The following ZNF804A variants were observed in gnomAD, a reference collection of about 807,000 sequenced individuals.
ZNF804A encodes zinc finger protein 804A.
A neutral mutation model predicts 16.5 loss-of-function variants in ZNF804A; 2 were observed. The observed-to-expected ratio is 0.12, with a 90% CI of 0.05 to 0.38. The LOEUF is 0.38. Ranked by LOEUF, ZNF804A falls within the 10% of genes least tolerant of loss-of-function variation. The pLI, the probability that ZNF804A is intolerant of heterozygous loss-of-function variation, is 0.99. For missense variants in ZNF804A, 1,473 were observed against 1,390.7 expected, an observed-to-expected ratio of 1.06 and a Z score of -0.94; for synonymous variants, 534 against 489.6, an observed-to-expected ratio of 1.09 and a Z score of -1.20.
At chr2:184,927,916 T>A (rs1018094545) in intron 2 of ZNF804A, among the ~76,000 whole-genome samples, 1 of 152,050 alleles carries the variant, frequency 6.6e-6, no homozygotes, top group African/African-American at 2.4e-5. Flanking sequence ...AGAAATGCCA[T>A]GCAAAAGCCA....
intron 1 of ZNF804A, among the ~76,000 whole-genome samples, chr2:184,800,061 A>G (rs1343321206): frequency 6.6e-6 from 1 of 151,790 alleles, no homozygotes; most frequent in Admixed American, 6.6e-5. Flanking sequence ...GTTATCAGAT[A>G]TGGGCATAGA....
intron 1 of ZNF804A, among the ~76,000 whole-genome samples, chr2:184,650,357 T>C (rs954491689): frequency 6.6e-6 from 1 of 152,120 alleles, no homozygotes; most frequent in Non-Finnish European, 1.5e-5. Flanking sequence ...AACATCACTC[T>C]GAAAGGGCAA....
chr2:184,599,561 T>G (rs1691013464), intron 1 of ZNF804A, among the ~76,000 whole-genome samples: 1 of 152,182 alleles, frequency 6.6e-6, no homozygotes, highest in African/African-American at 2.4e-5. Context: ...GAAGGACTGA[T>G]AGCAAACTTC....
chr2:184,809,013 C>T (rs1694852598), intron 1 of ZNF804A, among the ~76,000 whole-genome samples: 1 of 151,612 alleles, frequency 6.6e-6, no homozygotes, highest in African/African-American at 2.4e-5. Flanking sequence ...AGTCTCAATG[C>T]AATCAGAGAT....
At chr2:184,680,299 C>G (rs1445935469) in intron 1 of ZNF804A, among the ~76,000 whole-genome samples, 1 of 152,180 alleles carries the variant, frequency 6.6e-6, no homozygotes, top group African/African-American at 2.4e-5. Context: ...GAGGACTTGC[C>G]TATGGAGAGG....
intron 1 of ZNF804A, among the ~76,000 whole-genome samples, chr2:184,723,956 A>G (rs906177699): frequency 1.6e-4 from 24 of 151,916 alleles, no homozygotes; most frequent in African/African-American, 5.5e-4. Flanking sequence ...ACATATTGAC[A>G]TGAAAATTAA....
At chr2:184,760,782 C>T (rs1258780540) in intron 1 of ZNF804A, among the ~76,000 whole-genome samples, 3 of 152,082 alleles carry the variant, frequency 2.0e-5, no homozygotes, top group South Asian at 4.1e-4. Flanking sequence ...TGCTACTCTT[C>T]AGGTTATATA....
intron 1 of ZNF804A, among the ~76,000 whole-genome samples, chr2:184,854,595 G>A (rs370343953): frequency 1.3e-5 from 2 of 151,966 alleles, no homozygotes; most frequent in African/African-American, 4.8e-5. Flanking sequence ...TTCATCTGTA[G>A]CACAAAAAGT....
chr2:184,930,041 C>T lies in ZNF804A; in HGVS notation c.256-3562C>T, dbSNP rs796967407. ...TACACAACACTTGCCCACATATACACTCATAGAAACACACAATGAAAGTAA... is the reference window on the plus strand; with the variant it reads ...TACACAACACTTGCCCACATATACATTCATAGAAACACACAATGAAAGTAA... On this transcript the variant is annotated intron_variant, in intron 2 of 3. Transcript: ENST00000302277. Among the ~76,000 whole-genome samples the T allele has an allele frequency of 2.6e-5, 4 of 152,194 alleles. No individual in the cohort carries two copies. The East Asian group carries it at 7.7e-4, about 29-fold the overall frequency.
At chr2:184,823,205 A>T (rs1695108657) in intron 1 of ZNF804A, among the ~76,000 whole-genome samples, 1 of 152,074 alleles carries the variant, frequency 6.6e-6, no homozygotes, top group African/African-American at 2.4e-5. Flanking sequence ...GTGTCTTCAC[A>T]TGGCAAAGGG....
At chr2:184,667,335 T>A (rs1692269856) in intron 1 of ZNF804A, among the ~76,000 whole-genome samples, 1 of 151,904 alleles carries the variant, frequency 6.6e-6, no homozygotes, top group Non-Finnish European at 1.5e-5. Context: ...CTCATAAACA[T>A]TCTGCATTTG....
At chr2:184,764,819 G>A (rs1021341343) in intron 1 of ZNF804A, among the ~76,000 whole-genome samples, 2 of 151,912 alleles carry the variant, frequency 1.3e-5, no homozygotes, top group Non-Finnish European at 2.9e-5. Flanking sequence ...AAAAAATGAT[G>A]TGCAAGTAAT....
At chr2:184,788,801 T>G (rs1694488543) in intron 1 of ZNF804A, among the ~76,000 whole-genome samples, 1 of 152,046 alleles carries the variant, frequency 6.6e-6, no homozygotes, top group African/African-American at 2.4e-5. Flanking sequence ...ACATCCTATT[T>G]TCCAATTTGG....
intron 1 of ZNF804A, among the ~76,000 whole-genome samples, chr2:184,862,095 C>CTT (rs1695809584): frequency 1.3e-5 from 2 of 152,164 alleles, no homozygotes; most frequent in African/African-American, 4.8e-5. Flanking sequence ...CCTAGAATGG[C>CTT]TTTACCAGAT....
At chr2:184,718,994 G>A (rs1302479863) in intron 1 of ZNF804A, among the ~76,000 whole-genome samples, 1 of 152,200 alleles carries the variant, frequency 6.6e-6, no homozygotes, top group African/African-American at 2.4e-5. Flanking sequence ...CCCTAGTAGA[G>A]GTTCTCCATG....
chr2:184,722,871 A>G (rs1258060047), intron 1 of ZNF804A, among the ~76,000 whole-genome samples: 1 of 151,966 alleles, frequency 6.6e-6, no homozygotes, highest in Non-Finnish European at 1.5e-5. Context: ...GAGTTTTAAA[A>G]TTGCTTCATG....
chr2:184,812,085 A>G (rs1410117550), intron 1 of ZNF804A, among the ~76,000 whole-genome samples: 1 of 152,228 alleles, frequency 6.6e-6, no homozygotes, highest in African/African-American at 2.4e-5. Context: ...CTATTGGCAA[A>G]CCATAGTCAG....
intron 2 of ZNF804A, among the ~76,000 whole-genome samples, chr2:184,877,101 T>C (rs1021668589): frequency 6.6e-6 from 1 of 152,228 alleles, no homozygotes; most frequent in South Asian, 2.1e-4. Context: ...CTCTTGGAAG[T>C]ATATTTTTCT....
At chr2:184,633,073 C>G (rs1224515203) in intron 1 of ZNF804A, among the ~76,000 whole-genome samples, 1 of 152,102 alleles carries the variant, frequency 6.6e-6, no homozygotes, top group African/African-American at 2.4e-5. Flanking sequence ...TTTTTATAAA[C>G]AGCTCTCTTG....
Sources: allele counts gnomAD v4.1 joint callset (sites outside exome capture counted in the v4.1 genomes callset), GRCh38; gene constraint gnomAD v4.1.1; transcripts MANE v1.5; gene names NCBI Gene and HGNC (gene_info 2026-07-23, HGNC 2026-07-21).